EIF3L: variants seen among roughly 807,000 people sequenced by gnomAD.
EIF3L encodes eukaryotic translation initiation factor 3 subunit L.
EIF3L carries 32 observed loss-of-function variants against 74.6 expected under a neutral mutation model. That is an observed-to-expected ratio of 0.43 (90% confidence interval 0.32 to 0.58). EIF3L has a LOEUF of 0.58. EIF3L is among the 20% of genes least tolerant of loss of function. EIF3L has a pLI of 0.06. For synonymous variants in EIF3L, 256 were observed against 254.4 expected (o/e 1.01, Z -0.06); for missense variants, 474 against 707.8 (o/e 0.67, Z 3.75).
At chr22:37,851,853 A>G (rs1295663246) in intron 3 of EIF3L, among the ~76,000 whole-genome samples, 1 of 152,068 alleles carries the variant, frequency 6.6e-6, no homozygotes, top group Non-Finnish European at 1.5e-5. Flanking sequence ...TTTTTAGTAG[A>G]GACAGAATTT....
At chr22:37,856,750 A>C (rs929685766) in intron 4 of EIF3L, among the ~76,000 whole-genome samples, 1 of 151,420 alleles carries the variant, frequency 6.6e-6, no homozygotes, top group Admixed American at 6.6e-5. Context: ...AGGTGGAGGC[A>C]GGAGAATCAC....
At position 37,888,419 on chromosome 22, in the gene EIF3L, C is replaced by T. The variant is rs1333156700; in HGVS notation, c.1657-7C>T. On this transcript the variant is annotated splice_region_variant and splice_polypyrimidine_tract_variant and intron_variant, in intron 12 of 12. Coordinates refer to ENST00000652021, the MANE Select transcript of EIF3L (RefSeq NM_016091.4). ...CGTATGTAACTTTGCTTTTCTTTCT[C>T]TTCTAGCTTAATCGAACCCTGAAGA... The T allele has an allele frequency of 1.9e-6, 3 of 1,613,922 alleles. No individual in the cohort carries two copies. The highest frequency in any genetic ancestry group is 2.5e-6 in the Non-Finnish European group (3 of 1,179,976).
chr22:37,877,950 C>T lies in EIF3L; in HGVS notation c.1354C>T (p.Gln452Ter). Residue 452 changes from glutamine to a stop codon, truncating the protein, a stop_gained, in exon 11 of 13, where the codon CAG becomes TAG. Coordinates refer to ENST00000652021, the MANE Select transcript of EIF3L (RefSeq NM_016091.4). LOFTEE classifies it high-confidence loss of function. ...GCTGAAGGTGTTTTCTGATGAAGTA[C>T]AGCAGCAGGCCCAGCTTTCAACCAT... The part of the protein sequence containing the change: ...QQLKVFSDEV[Q>*]QQAQLSTIRS... The T allele has an allele frequency of 6.2e-7, 1 of 1,612,596 alleles. No individual in the cohort carries two copies. The highest frequency in any genetic ancestry group is 8.5e-7 in the Non-Finnish European group (1 of 1,179,874).
chr22:37,864,933 G>T (rs1055745989), intron 7 of EIF3L, among the ~76,000 whole-genome samples: 1 of 152,174 alleles, frequency 6.6e-6, no homozygotes, highest in African/African-American at 2.4e-5. Context: ...ACGGATTGCT[G>T]CGAATGTTGC....
intron 3 of EIF3L, among the ~76,000 whole-genome samples, chr22:37,852,950 C>T (rs535484412): frequency 5.3e-5 from 8 of 152,216 alleles, no homozygotes; most frequent in Admixed American, 3.3e-4. Context: ...CAAATGGATC[C>T]AAGTCATGCG....
chr22:37,854,103 G>C (rs576403144), intron 3 of EIF3L, among the ~76,000 whole-genome samples: 12 of 152,324 alleles, frequency 7.9e-5, no homozygotes, highest in African/African-American at 2.9e-4. Context: ...AAATGCTGGT[G>C]CCTTAAGAAG....
intron 7 of EIF3L, among the ~76,000 whole-genome samples, chr22:37,867,969 A>AG (rs1273536523): frequency 6.6e-6 from 1 of 151,304 alleles, no homozygotes; most frequent in African/African-American, 2.4e-5. Context: ...AAAAAAAAAA[A>AG]AGAAAAAGAA....
intron 11 of EIF3L, chr22:37,878,388 T>C: frequency 5.3e-6 from 2 of 377,462 alleles, no homozygotes; most frequent in Non-Finnish European, 9.3e-6. Context: ...AAGACCAGCC[T>C]GGGCAACGTA....
chr22:37,889,263 G>T lies in EIF3L; in HGVS notation c.*799G>T, dbSNP rs970245991. 1 of 152,082 alleles carries T rather than the reference G, an allele frequency of 6.6e-6. No individual in the cohort carries two copies. Among genetic ancestry groups the T allele is most frequent in the African/African-American group, 2.4e-5 (1 of 41,388 alleles). 9.4% of individuals were successfully genotyped at this position (152,082 alleles called of 1,614,324 possible). On this transcript the variant is annotated 3_prime_UTR_variant, in exon 13 of 13. Transcript: ENST00000652021. The stretch of plus-strand genomic sequence containing the variant: ...GATGGGGTTTCACCGTGTTAGCCAG[G>T]ATGGTCTCAGATTTCCTGACCTCGT...
At chr22:37,886,665 C>T in intron 11 of EIF3L, 100 bp from the exon 12 acceptor site, 1 of 921,318 alleles carries the variant, frequency 1.1e-6, no homozygotes, top group Non-Finnish European at 1.7e-6. Context: ...ACATCTAACA[C>T]TCACCATCAT....
intron 11 of EIF3L, chr22:37,885,849 G>A (rs2145846893): frequency 6.6e-6 from 1 of 151,590 alleles, no homozygotes; most frequent in South Asian, 2.1e-4. Context: ...TGGGATTACA[G>A]GCGTGAGTCA....
intron 3 of EIF3L, 94 bp from the exon 4 acceptor site, chr22:37,855,471 C>A: frequency 8.9e-7 from 1 of 1,122,220 alleles, no homozygotes; most frequent in Non-Finnish European, 1.3e-6. Context: ...TTGACATCTT[C>A]CCCTTTCTAA....
rs759785314 is a variant in EIF3L, at chr22:37,877,969, C to T, written c.1373C>T (p.Ser458Leu). ...SDEVQQQAQL[S>L]TIRSFLKLYT... ...GAAGTACAGCAGCAGGCCCAGCTTT[C>T]AACCATCCGCAGCTTCCTGAAGCTC... Residue 458 changes from serine to leucine, a missense_variant, in exon 11 of 13, where the codon TCA becomes TTA. By Grantham distance (145) the Ser-to-Leu change is moderately radical. Coordinates refer to ENST00000652021, the MANE Select transcript of EIF3L (RefSeq NM_016091.4). The T allele has an allele frequency of 6.2e-7, 1 of 1,612,540 alleles. No homozygotes were observed. Among genetic ancestry groups the T allele is most frequent in the Non-Finnish European group, 8.5e-7 (1 of 1,179,838 alleles).
intron 7 of EIF3L, among the ~76,000 whole-genome samples, chr22:37,869,398 T>G (rs1048756168): frequency 6.6e-6 from 1 of 152,296 alleles, no homozygotes; most frequent in East Asian, 1.9e-4. Context: ...CCCAAAGTGC[T>G]GGGTTTACAG....
intron 11 of EIF3L, 71 bp from the exon 12 acceptor site, chr22:37,886,694 G>A: frequency 7.4e-7 from 1 of 1,352,254 alleles, no homozygotes; most frequent in Non-Finnish European, 1.0e-6. Flanking sequence ...GCAAGTCCAT[G>A]GTGGCTCCTG....
Position 37,877,797 on chromosome 22 carries a change from A to G in EIF3L, c.1201A>G (p.Met401Val). 13 of 1,613,910 alleles carry G rather than the reference A, an allele frequency of 8.1e-6. No homozygotes were observed. Among genetic ancestry groups the G allele is most frequent in the Middle Eastern group, 1.7e-4 (1 of 6,054 alleles). ...REKYGDKMLR[M>V]QKGDPQVYEE... Reference sequence around the variant, plus strand: ...GAAATATGGGGACAAGATGTTGCGCATGCAGAAAGGTGACCCACAAGTCTA... The same window carrying G: ...GAAATATGGGGACAAGATGTTGCGCGTGCAGAAAGGTGACCCACAAGTCTA... Residue 401 changes from methionine (M) to valine (V), a missense_variant, in exon 11 of 13, where the codon ATG becomes GTG. Met to Val is a conservative substitution (Grantham distance 21). Around this residue, in one of 4 missense-constraint regions of EIF3L, gnomAD observed 293 missense variants for 469.1 expected, o/e 0.62. Coordinates refer to ENST00000652021, the MANE Select transcript of EIF3L (RefSeq NM_016091.4).
chr22:37,881,888 C>T (rs1205261742), intron 11 of EIF3L: 1 of 152,044 alleles, frequency 6.6e-6, no homozygotes, highest in Middle Eastern at 3.2e-3. Context: ...CATTTTGGGC[C>T]AGGTACAGTG....
chr22:37,888,921 G>T lies in EIF3L; in HGVS notation c.*457G>T. ...CACTCAGCTAATTTTTGTATTCTCA[G>T]TAGAGATGGGTTTTACCATGTTGGC... On this transcript the variant is annotated 3_prime_UTR_variant, in exon 13 of 13. Coordinates refer to ENST00000652021, the MANE Select transcript of EIF3L (RefSeq NM_016091.4). 1 of 158,930 alleles carries T rather than the reference G, an allele frequency of 6.3e-6. No individual in the cohort carries two copies. The highest frequency in any genetic ancestry group is 1.4e-5 in the Non-Finnish European group (1 of 72,768). 9.8% of individuals were successfully genotyped at this position (158,930 alleles called of 1,614,324 possible).
At chr22:37,864,031 C>T (rs1926009521) in intron 7 of EIF3L, among the ~76,000 whole-genome samples, 1 of 151,808 alleles carries the variant, frequency 6.6e-6, no homozygotes, top group African/African-American at 2.4e-5. Context: ...TGCCACTGCA[C>T]TCCAGCCTGG....
Sources: gnomAD v4.1 joint callset for allele counts (sites outside exome capture counted in the v4.1 genomes callset) on GRCh38, gnomAD v4.1.1 for gene constraint, gnomAD v4.1.1 regional missense constraint, MANE v1.5 for transcripts, NCBI Gene and HGNC (gene_info 2026-07-23, HGNC 2026-07-21) for gene names.